The following CDH8 variants were observed in gnomAD, a reference collection of about 807,000 sequenced individuals.
CDH8 encodes cadherin-8.
CDH8 carries 17 observed loss-of-function variants against 68.1 expected under a neutral mutation model. The ratio of observed to expected loss-of-function variants is 0.25; its 90% confidence interval spans 0.17 to 0.37. The LOEUF is 0.37. Ranked by LOEUF, CDH8 falls within the 10% of genes least tolerant of loss-of-function variation. CDH8 has a pLI of 1.00. For synonymous variants in CDH8, 372 were observed against 365.1 expected (o/e 1.02, Z -0.21); for missense variants, 763 against 999.3 (o/e 0.76, Z 3.19).
At chr16:61,987,532 T>C (rs1381747946) in intron 2 of CDH8, among the ~76,000 whole-genome samples, 2 of 151,760 alleles carry the variant, frequency 1.3e-5, no homozygotes, top group Non-Finnish European at 2.9e-5. Context: ...CAAAATGAAA[T>C]AAATCAAATC....
intron 2 of CDH8, among the ~76,000 whole-genome samples, chr16:61,907,437 G>C (rs1964080307): frequency 1.3e-5 from 2 of 152,070 alleles, no homozygotes; most frequent in African/African-American, 2.4e-5. Context: ...CCAACACTTA[G>C]AGAGGCTGAG....
intron 8 of CDH8, among the ~76,000 whole-genome samples, chr16:61,767,136 TTG>T (rs1187487011): frequency 6.6e-6 from 1 of 151,880 alleles, no homozygotes; most frequent in Non-Finnish European, 1.5e-5. Flanking sequence ...TCCGCATGAC[TTG>T]TGTGTGTGTG....
intron 3 of CDH8, among the ~76,000 whole-genome samples, chr16:61,866,359 A>G (rs1963253247): frequency 6.6e-6 from 1 of 152,198 alleles, no homozygotes; most frequent in Non-Finnish European, 1.5e-5. Context: ...AAGAATATGC[A>G]AGAGAGCTAG....
At chr16:61,764,228 T>C (rs936690544) in intron 8 of CDH8, among the ~76,000 whole-genome samples, 7 of 152,094 alleles carry the variant, frequency 4.6e-5, no homozygotes, top group Admixed American at 1.3e-4. Flanking sequence ...AGCAAGTTGG[T>C]GGCCCAGTCA....
At position 61,959,980 on chromosome 16, in the gene CDH8, GTGTGTATATA is replaced by G. The variant is rs1246646033; in HGVS notation, c.253-58517_253-58508del. Among the ~76,000 whole-genome samples, 97 of 37,386 alleles carry G rather than the reference GTGTGTATATA, an allele frequency of 2.6e-3. 6 individuals are homozygous for G. Among genetic ancestry groups the G allele is most frequent in the African/African-American group, 7.6e-3 (94 of 12,368 alleles). 24.5% of individuals were successfully genotyped at this position (37,386 alleles called of 152,430 possible). A position where few individuals can be genotyped will look rare whatever the true frequency, so the allele number is the denominator to read the frequency against. ...CTCTGTATGTGGTGTATGTGTGTGT[GTGTGTATATA>G]TATATATATATATATATATATATAT... On this transcript the variant is annotated intron_variant, in intron 2 of 11. Coordinates refer to ENST00000577390, the MANE Select transcript of CDH8 (RefSeq NM_001796.5).
At chr16:61,926,651 G>C (rs1333149281) in intron 2 of CDH8, among the ~76,000 whole-genome samples, 1 of 152,214 alleles carries the variant, frequency 6.6e-6, no homozygotes, top group Non-Finnish European at 1.5e-5. Context: ...GCAGAATGCA[G>C]TGTGCTCAGT....
intron 9 of CDH8, among the ~76,000 whole-genome samples, chr16:61,715,576 G>A (rs1964713891): frequency 6.6e-6 from 1 of 151,084 alleles, no homozygotes; most frequent in South Asian, 2.1e-4. Context: ...TATTTATTAG[G>A]GCCATTGCTA....
rs75705798 is a variant in CDH8, at chr16:61,955,268, T to C, written c.253-53795A>G. ...CTATATATAATGAACCATAACCTAA[T>C]GGAGGTATAAACAGACCATAACCTA... On this transcript the variant is annotated intron_variant, in intron 2 of 11. Transcript: ENST00000577390. Among the ~76,000 whole-genome samples, 33 of 152,322 alleles carry C rather than the reference T, an allele frequency of 2.2e-4. 1 individual carries two copies. The East Asian group carries it at 6.2e-3, about 29-fold the overall frequency.
chr16:61,977,604 G>T (rs1055538650), intron 2 of CDH8, among the ~76,000 whole-genome samples: 5 of 151,834 alleles, frequency 3.3e-5, no homozygotes, highest in Non-Finnish European at 7.4e-5. Flanking sequence ...AATACACCTC[G>T]GGAGAAAGAT....
chr16:61,788,569 A>G (rs1369491009), intron 8 of CDH8, among the ~76,000 whole-genome samples: 2 of 152,012 alleles, frequency 1.3e-5, no homozygotes, highest in African/African-American at 2.4e-5. Flanking sequence ...CATTTTTTGT[A>G]TAATAAAAGT....
intron 2 of CDH8, among the ~76,000 whole-genome samples, chr16:61,981,443 T>G (rs1478930716): frequency 3.3e-5 from 5 of 152,198 alleles, no homozygotes; most frequent in Admixed American, 6.5e-5. Context: ...TGTAGGAATC[T>G]AAAGCTGAAC....
chr16:61,768,389 T>C (rs1960682194), intron 8 of CDH8, among the ~76,000 whole-genome samples: 12 of 80,514 alleles, frequency 1.5e-4, no homozygotes, highest in East Asian at 7.0e-4. Flanking sequence ...TCTCTCTCTC[T>C]CTCTCCCTTT....
chr16:62,011,033 G>GA (rs755104027), intron 2 of CDH8, among the ~76,000 whole-genome samples: 295 of 139,584 alleles, frequency 2.1e-3, no homozygotes, highest in African/African-American at 5.6e-3. Flanking sequence ...CATATTCACA[G>GA]AAAAAAAAAT....
At chr16:61,678,437 A>G (rs1963955056) in intron 10 of CDH8, among the ~76,000 whole-genome samples, 1 of 152,082 alleles carries the variant, frequency 6.6e-6, no homozygotes. Context: ...TCTACCACAG[A>G]ATAGAGACCA....
intron 10 of CDH8, among the ~76,000 whole-genome samples, chr16:61,657,938 C>A (rs1963480442): frequency 6.6e-6 from 1 of 152,008 alleles, no homozygotes; most frequent in Non-Finnish European, 1.5e-5. Flanking sequence ...TATTTTTTTA[C>A]TAATCCTGGA....
Position 61,960,270 on chromosome 16 carries a change from T to C in CDH8, c.253-58797A>G, listed in dbSNP as rs1215323949. ...GTGTGTATACACATACATATATACG[T>C]GTGTGTGTATACACACATATATACG... On this transcript the variant is annotated intron_variant, in intron 2 of 11. Transcript: ENST00000577390. 1.9e-5 allele frequency among the ~76,000 whole-genome samples: 2 copies of C among 103,270 alleles called. 1 individual carries two copies. The highest frequency in any genetic ancestry group is 1.8e-4 in the Admixed American group (2 of 11,146). 67.7% of individuals were successfully genotyped at this position (103,270 alleles called of 152,430 possible). A position where few individuals can be genotyped will look rare whatever the true frequency, so the allele number is the denominator to read the frequency against.
At chr16:61,780,566 C>T (rs1410334369) in intron 8 of CDH8, among the ~76,000 whole-genome samples, 1 of 152,142 alleles carries the variant, frequency 6.6e-6, no homozygotes, top group Non-Finnish European at 1.5e-5. Context: ...AATTGTTCTC[C>T]CTGGAATGAC....
At chr16:61,877,658 C>T (rs1180066361) in intron 3 of CDH8, among the ~76,000 whole-genome samples, 1 of 152,056 alleles carries the variant, frequency 6.6e-6, no homozygotes, top group African/African-American at 2.4e-5. Flanking sequence ...TTCTTTCCAA[C>T]TTAGACAGTA....
intron 2 of CDH8, among the ~76,000 whole-genome samples, chr16:61,972,433 T>C (rs900317608): frequency 4.5e-4 from 68 of 152,312 alleles, no homozygotes; most frequent in African/African-American, 1.5e-3. Context: ...CATCTTGTAT[T>C]ACTCCTAAGG....
Sources: allele counts gnomAD v4.1 joint callset (sites outside exome capture counted in the v4.1 genomes callset), GRCh38; gene constraint gnomAD v4.1.1; transcripts MANE v1.5; gene names NCBI Gene and HGNC (gene_info 2026-07-23, HGNC 2026-07-21).